SRGAP2B: variants seen among roughly 807,000 people sequenced by gnomAD.
SRGAP2B encodes the protein SLIT-ROBO Rho GTPase activating protein 2B.
A neutral mutation model predicts 22.2 loss-of-function variants in SRGAP2B; 9 were observed. The ratio of observed to expected loss-of-function variants is 0.41; its 90% CI spans 0.24 to 0.71. The LOEUF is 0.71. SRGAP2B is among the 30% of genes least tolerant of loss of function. SRGAP2B has a pLI of 0.35. For synonymous variants in SRGAP2B, 36 were observed against 87.4 expected (o/e 0.41, Z 3.28); for missense variants, 114 against 235.8 (o/e 0.48, Z 3.38).
In SRGAP2B at chr1:144,955,498, T is replaced by C. The variant is rs782364849; in HGVS notation, c.364A>G (p.Asn122Asp). The C allele has an allele frequency of 1.3e-5, 15 of 1,186,096 alleles. No homozygotes were observed. The Middle Eastern group carries it at 5.7e-4, about 45-fold the overall frequency. 73.5% of individuals were successfully genotyped at this position (1,186,096 alleles called of 1,614,324 possible). The change falls in exon 4 of 10, where the codon AAT becomes GAT. Residue 122 changes from asparagine (N) to aspartate (D), a missense_variant. Physicochemically the swap from Asn to Asp is conservative, Grantham distance 23 (BLOSUM62 1). Transcript: ENST00000612199. ...TGTACAAATCGAGGAATGATATTAT[T>C]CAGGTAGATGTCACTCAGGGTGGTA...
intron 3 of SRGAP2B, among the ~76,000 whole-genome samples, chr1:144,964,717 C>A (rs1667933009): frequency 6.6e-6 from 1 of 150,982 alleles, no homozygotes. Context: ...TTGGGCAAGT[C>A]ACAAATGCAT....
intron 2 of SRGAP2B, among the ~76,000 whole-genome samples, chr1:145,011,301 CA>C (rs1239256548): frequency 4.1e-5 from 4 of 96,550 alleles, no homozygotes; most frequent in South Asian, 4.6e-4. Context: ...TCTCCTTTTC[CA>C]ACATCTAAAT....
intron 2 of SRGAP2B, among the ~76,000 whole-genome samples, chr1:145,047,175 CAAAAAAAAAAAAAAAAA>C (rs4058382): frequency 3.6e-3 from 53 of 14,564 alleles, no homozygotes; most frequent in Middle Eastern, 0.033. Flanking sequence ...GACTCTGTCT[CAAAAAAAAAAAAAAAAA>C]AAAAAAAAAA....
At chr1:144,909,671 T>C (rs1332309427) in intron 5 of SRGAP2B, among the ~76,000 whole-genome samples, 1 of 150,300 alleles carries the variant, frequency 6.7e-6, no homozygotes, top group South Asian at 2.1e-4. Context: ...GAGAGGTTTA[T>C]TCTGTTAGAG....
At chr1:145,008,953 C>T (rs1671812992) in intron 2 of SRGAP2B, among the ~76,000 whole-genome samples, 1 of 149,560 alleles carries the variant, frequency 6.7e-6, no homozygotes, top group South Asian at 2.1e-4. Flanking sequence ...AGGCGGACCA[C>T]GAGGTCAGGA....
intron 5 of SRGAP2B, among the ~76,000 whole-genome samples, chr1:144,909,051 A>T (rs1663201280): frequency 1.4e-5 from 2 of 144,134 alleles, no homozygotes; most frequent in Admixed American, 6.9e-5. Flanking sequence ...TGACAGCCAC[A>T]CTAAAATAAT....
At chr1:144,972,622 G>A (rs1231620864) in intron 3 of SRGAP2B, among the ~76,000 whole-genome samples, 2 of 129,496 alleles carry the variant, frequency 1.5e-5, no homozygotes, top group African/African-American at 6.4e-5. Flanking sequence ...CTGATGCCCA[G>A]GAATCTGCCT....
intron 4 of SRGAP2B, among the ~76,000 whole-genome samples, chr1:144,924,659 G>T (rs1340473321): frequency 6.6e-6 from 1 of 151,000 alleles, no homozygotes; most frequent in Admixed American, 6.6e-5. Flanking sequence ...GTGAACCCGG[G>T]AGGCGGAGCT....
chr1:144,991,445 A>ACAC (rs1670218665), intron 3 of SRGAP2B, among the ~76,000 whole-genome samples: 2 of 149,182 alleles, frequency 1.3e-5, no homozygotes, highest in Non-Finnish European at 3.0e-5. Context: ...GACTGTAAAT[A>ACAC]CACCAATCGG....
At chr1:145,021,643 G>T (rs1490896433) in intron 2 of SRGAP2B, among the ~76,000 whole-genome samples, 1 of 140,230 alleles carries the variant, frequency 7.1e-6, no homozygotes, top group Admixed American at 7.1e-5. Context: ...GAGAAATCTC[G>T]TCTCTACTAA....
At chr1:144,926,958 C>CT (rs1161777491) in intron 4 of SRGAP2B, among the ~76,000 whole-genome samples, 251 of 151,644 alleles carry the variant, frequency 1.7e-3, no homozygotes, top group African/African-American at 5.6e-3. Context: ...TTTCTTTTTT[C>CT]TTTTTTTTGG....
intron 4 of SRGAP2B, among the ~76,000 whole-genome samples, chr1:144,951,102 C>T (rs1255336721): frequency 1.3e-5 from 2 of 150,974 alleles, no homozygotes; most frequent in Non-Finnish European, 2.9e-5. Flanking sequence ...CCCACCTTGG[C>T]CTCCCAAAGC....
chr1:144,943,648 G>GGA (rs1377325672), intron 4 of SRGAP2B, among the ~76,000 whole-genome samples: 3 of 141,410 alleles, frequency 2.1e-5, no homozygotes, highest in Non-Finnish European at 4.6e-5. Flanking sequence ...AGGGAGAGAA[G>GGA]GAGAGAGAGA....
chr1:145,016,861 T>G lies in SRGAP2B; in HGVS notation c.68-21661A>C, dbSNP rs587629872. Among the ~76,000 whole-genome samples, 579 of 151,194 alleles carry G rather than the reference T, an allele frequency of 3.8e-3. 14 individuals carry two copies. The highest frequency in any genetic ancestry group is 0.031 in the Middle Eastern group (9 of 292). Reference sequence around the variant, plus strand: ...ACTCAAGTTTTTTTTTTTTTGTTTTTTTTTTGAGACGGAGTCTCACTCTGT... The same window carrying G: ...ACTCAAGTTTTTTTTTTTTTGTTTTGTTTTTGAGACGGAGTCTCACTCTGT... On this transcript the variant is annotated intron_variant, in intron 2 of 9. Transcript: ENST00000612199.
At chr1:144,953,247 C>T (rs1288090447) in intron 4 of SRGAP2B, among the ~76,000 whole-genome samples, 135 of 150,128 alleles carry the variant, frequency 9.0e-4, no homozygotes, top group Non-Finnish European at 1.7e-3. Flanking sequence ...AAGTATGAAA[C>T]CAAGCAAAGC....
At chr1:145,041,080 T>TATATATAC (rs1476694433) in intron 2 of SRGAP2B, among the ~76,000 whole-genome samples, 1 of 43,446 alleles carries the variant, frequency 2.3e-5, no homozygotes, top group Non-Finnish European at 4.2e-5. Context: ...ATATAGTATA[T>TATATATAC]ATATATATAT....
intron 2 of SRGAP2B, among the ~76,000 whole-genome samples, chr1:145,005,455 C>T (rs1553620879): frequency 2.0e-5 from 3 of 147,734 alleles, no homozygotes; most frequent in Admixed American, 2.0e-4. Context: ...TTGTGCAGGA[C>T]CCAGCTTAGC....
intron 5 of SRGAP2B, among the ~76,000 whole-genome samples, chr1:144,907,143 G>T (rs1663049849): frequency 1.1e-5 from 1 of 89,546 alleles, no homozygotes; most frequent in African/African-American, 4.3e-5. Context: ...GTGTGCGTGT[G>T]TGTGTGTGTG....
intron 2 of SRGAP2B, among the ~76,000 whole-genome samples, chr1:145,045,345 G>C (rs1175740161): frequency 8.3e-5 from 12 of 144,042 alleles, no homozygotes; most frequent in Admixed American, 7.7e-4. Context: ...AAGAGAGAGA[G>C]AGTGAAGGAA....
Sources: allele counts gnomAD v4.1 joint callset (sites outside exome capture counted in the v4.1 genomes callset), GRCh38; gene constraint gnomAD v4.1.1; transcripts MANE v1.5; gene names NCBI Gene and HGNC (gene_info 2026-07-23, HGNC 2026-07-21).